The following DNAH17 variants were observed in gnomAD, a reference collection of about 807,000 sequenced individuals.
DNAH17 encodes axonemal beta dynein heavy chain 17.
DNAH17 carries 376 observed loss-of-function variants against 485.6 expected under a neutral mutation model. The observed-to-expected ratio is 0.77, with a 90% CI of 0.71 to 0.84. The LOEUF is 0.84. DNAH17 is among the 40% of genes least tolerant of loss of function. The pLI, the probability that DNAH17 is intolerant of heterozygous loss-of-function variation, is 0.00. For missense variants in DNAH17, 6,370 were observed against 5,839.3 expected, an observed-to-expected ratio of 1.09 and a Z score of -2.96; for synonymous variants, 3,031 against 2,405.9, an observed-to-expected ratio of 1.26 and a Z score of -7.60.
At chr17:78,570,484 C>G in intron 6 of DNAH17, 112 bp from the exon 7 acceptor site, 2 of 1,396,574 alleles carry the variant, frequency 1.4e-6, no homozygotes, top group Admixed American at 2.6e-5. Flanking sequence ...CAGAGGGTTC[C>G]CAAAGAGGAG....
At position 78,458,827 on chromosome 17, in the gene DNAH17, G is replaced by A. The variant is rs1461001511; in HGVS notation, c.9862-147C>T. Reference sequence around the variant, plus strand: ...AGCCCTCTGGAGCATGGAGGCTAAGGACACCAAGCGGCTCCCGGCACCATC... The same window carrying A: ...AGCCCTCTGGAGCATGGAGGCTAAGAACACCAAGCGGCTCCCGGCACCATC... On this transcript the variant is annotated intron_variant, in intron 61 of 80. Transcript: ENST00000389840. The A allele has an allele frequency of 8.9e-6, 9 of 1,010,178 alleles. No homozygotes were observed. The African/African-American group carries it at 9.6e-5, about 11-fold the overall frequency. The allele number at this position is 1,010,178 out of a possible 1,614,324, so 62.6% of individuals were successfully genotyped here.
chr17:78,458,030 C>G (rs2146520498), intron 62 of DNAH17, among the ~76,000 whole-genome samples: 1 of 152,270 alleles, frequency 6.6e-6, no homozygotes, highest in South Asian at 2.1e-4. Flanking sequence ...TCTCGAACTC[C>G]TGACCTCCAG....
chr17:78,499,503 T>G, intron 36 of DNAH17: 1 of 155,036 alleles, frequency 6.5e-6, no homozygotes, highest in African/African-American at 2.4e-5. Flanking sequence ...GCCGGAGGCT[T>G]TCCCTCAAGA....
rs1271735019 is a variant in DNAH17, at chr17:78,499,056, G to C, written c.5697C>G (p.Asp1899Glu). 6.2e-7 allele frequency: 1 copy of C among 1,610,190 alleles called. No individual in the cohort carries two copies. The highest frequency in any genetic ancestry group is 1.3e-5 in the African/African-American group (1 of 74,742). ...CTTCCACTGAGATGCGATTAAACTC[G>C]TCAAAGCAGCCCCAGGCTCCCGTCT... is the stretch of plus-strand genomic sequence containing the variant. ...LAQTGAWGCFDEFNRISVEVL... is the reference protein window; with the variant it reads ...LAQTGAWGCFEEFNRISVEVL... The change falls in exon 37 of 81, where the codon GAC becomes GAG. Residue 1899 changes from aspartate to glutamate, a missense_variant. Physicochemically the swap from Asp to Glu is conservative, Grantham distance 45 (BLOSUM62 2). Coordinates refer to ENST00000389840, the MANE Select transcript of DNAH17 (RefSeq NM_173628.4).
intron 53 of DNAH17, 93 bp from the exon 54 acceptor site, chr17:78,475,562 G>GT: frequency 6.2e-7 from 1 of 1,602,372 alleles, no homozygotes; most frequent in Non-Finnish European, 8.5e-7. Context: ...GGTGTGCACT[G>GT]TGTGCCACGC....
In DNAH17 at chr17:78,455,684, A is replaced by C. The variant is rs781001226; in HGVS notation, c.10130T>G (p.Leu3377Arg). 3 of 1,575,208 alleles carry C rather than the reference A, an allele frequency of 1.9e-6. No individual in the cohort carries two copies. The highest frequency in any genetic ancestry group is 2.6e-6 in the Non-Finnish European group (3 of 1,160,896). The change falls in exon 63 of 81, where the codon CTG becomes CGG. Residue 3377 changes from leucine to arginine, a missense_variant. Leu to Arg is a moderately radical substitution (Grantham distance 102). Coordinates refer to ENST00000389840, the MANE Select transcript of DNAH17 (RefSeq NM_173628.4). ...GTAAGGGATCCAGAATTTCTCCATC[A>C]GCTCATTCCGGTATTTCTTGGTGAA... ...GYFTKKYRNE[L>R]MEKFWIPYIH...
At chr17:78,460,336 A>G (rs1183895755) in intron 58 of DNAH17, 79 bp from the exon 59 acceptor site, 1 of 894,714 alleles carries the variant, frequency 1.1e-6, no homozygotes. Flanking sequence ...ATGTGTGTGC[A>G]TGTGTGTGCA....
At chr17:78,475,991 GC>G in intron 52 of DNAH17, 158 bp from the exon 53 acceptor site, 1 of 770,714 alleles carries the variant, frequency 1.3e-6, no homozygotes, top group Non-Finnish European at 2.0e-6. Flanking sequence ...CGTGGGCCCA[GC>G]AAACCACTGG....
chr17:78,532,510 G>A lies in DNAH17; in HGVS notation c.3086C>T (p.Pro1029Leu), dbSNP rs369140843. 177 of 1,610,792 alleles carry A rather than the reference G, an allele frequency of 1.1e-4. No homozygotes were observed. Among genetic ancestry groups the A allele is most frequent in the Non-Finnish European group, 1.3e-4 (148 of 1,178,914 alleles). The part of the protein sequence containing the change: ...TWTDDTIPKT[P>L]PTLAQFQEQI... ...CTCCTGGAACTGAGCCAGGGTGGGC[G>A]GTGTCTTGGGGATGGTGTCATCTGT... Residue 1029 changes from proline (P) to leucine (L), a missense_variant, in exon 20 of 81, where the codon CCG becomes CTG. Physicochemically the swap from Pro to Leu is moderately conservative, Grantham distance 98 (BLOSUM62 -3). Transcript: ENST00000389840.
At chr17:78,546,375 T>C (rs1041477884) in intron 16 of DNAH17, among the ~76,000 whole-genome samples, 8 of 152,224 alleles carry the variant, frequency 5.3e-5, no homozygotes, top group East Asian at 1.9e-4. Flanking sequence ...TTTTAAACAA[T>C]CTATTTTGCT....
intron 21 of DNAH17, 118 bp from the exon 22 acceptor site, chr17:78,529,812 CCCCAGGT>C: frequency 9.5e-7 from 1 of 1,057,036 alleles, no homozygotes; most frequent in Non-Finnish European, 1.4e-6. Context: ...TCACTGAAGG[CCCCAGGT>C]GGGGAGGGAG....
chr17:78,551,238 G>A (rs1038280655), intron 16 of DNAH17, among the ~76,000 whole-genome samples: 28 of 152,186 alleles, frequency 1.8e-4, no homozygotes, highest in Admixed American at 1.6e-3. Flanking sequence ...CTCGTTCCCA[G>A]TGGGGGTGAG....
At position 78,459,809 on chromosome 17, in the gene DNAH17, G is replaced by T. The variant is rs368278448; in HGVS notation, c.9628C>A (p.Pro3210Thr). The change falls in exon 60 of 81, where the codon CCT (proline) becomes ACT (threonine). Residue 3210 changes from proline (P) to threonine (T), a missense_variant. Pro to Thr is a conservative substitution (Grantham distance 38). Coordinates refer to ENST00000389840, the MANE Select transcript of DNAH17 (RefSeq NM_173628.4). ...TTGAAGGCCTTCAGGCAGGCCTCAG[G>T]GATGTGCTCCTTGTCGAACTTCTTC... Reference protein sequence around the residue: ...SLKKFDKEHIPEACLKAFKPY... With the variant: ...SLKKFDKEHITEACLKAFKPY... 1 of 1,614,056 alleles carries T rather than the reference G, an allele frequency of 6.2e-7. No homozygotes were observed. The highest frequency in any genetic ancestry group is 1.1e-5 in the South Asian group (1 of 91,084).
chr17:78,450,036 A>AG (rs2087478475), intron 68 of DNAH17: 5 of 575,876 alleles, frequency 8.7e-6, no homozygotes, highest in Non-Finnish European at 1.5e-5. Flanking sequence ...AGCAGGGAGG[A>AG]GGGAGCAGCT....
At chr17:78,570,643 A>T (rs930903332) in intron 6 of DNAH17, among the ~76,000 whole-genome samples, 2 of 152,096 alleles carry the variant, frequency 1.3e-5, no homozygotes, top group East Asian at 3.9e-4. Flanking sequence ...GCGGATCATG[A>T]GGTCAGGAGA....
At chr17:78,498,362 G>A (rs1382734863) in intron 37 of DNAH17, among the ~76,000 whole-genome samples, 2 of 152,078 alleles carry the variant, frequency 1.3e-5, no homozygotes, top group African/African-American at 4.8e-5. Flanking sequence ...CCGCTAGGTC[G>A]GCCTCCACTT....
intron 14 of DNAH17, among the ~76,000 whole-genome samples, chr17:78,557,471 A>G (rs938956319): frequency 6.6e-6 from 1 of 151,530 alleles, no homozygotes; most frequent in Non-Finnish European, 1.5e-5. Context: ...TACAAAAATT[A>G]TTTGTATTTT....
chr17:78,566,805 C>A, intron 10 of DNAH17, 75 bp from the exon 11 acceptor site: 1 of 1,354,964 alleles, frequency 7.4e-7, no homozygotes, highest in South Asian at 1.3e-5. Flanking sequence ...CAGCCCCTGC[C>A]CTGCTGAGAG....
chr17:78,473,438 G>A (rs931436910), intron 54 of DNAH17, among the ~76,000 whole-genome samples: 2 of 151,868 alleles, frequency 1.3e-5, no homozygotes, highest in Non-Finnish European at 2.9e-5. Context: ...CAGCTACTCA[G>A]GAGGCTGAGG....
Sources: allele counts gnomAD v4.1 joint callset (sites outside exome capture counted in the v4.1 genomes callset), GRCh38; gene constraint gnomAD v4.1.1; transcripts MANE v1.5; gene names NCBI Gene and HGNC (gene_info 2026-07-23, HGNC 2026-07-21).